The following ADAMTS10 variants were observed in gnomAD, a reference collection of about 807,000 sequenced individuals.
ADAMTS10 encodes ADAM metallopeptidase with thrombospondin type 1 motif 10.
In ADAMTS10, 48 loss-of-function variants were observed where a neutral mutation model predicts 135.9. The ratio of observed to expected loss-of-function variants is 0.35; its 90% confidence interval spans 0.28 to 0.45. The LOEUF (loss-of-function observed/expected upper bound fraction) is 0.45. Among genes scored for constraint, ADAMTS10 ranks in the 20% least tolerant of loss-of-function variants. The probability of loss-of-function intolerance (pLI) is 1.00; values close to 1 mark genes in which losing one functional copy is unlikely to be tolerated. For missense variants in ADAMTS10, 1,131 were observed against 1,565.2 expected, an observed-to-expected ratio of 0.72 and a Z score of 4.68; for synonymous variants, 621 against 647.5, an observed-to-expected ratio of 0.96 and a Z score of 0.62.
intron 4 of ADAMTS10, 78 bp downstream of exon 4, chr19:8,604,934 G>T (rs1324196407): frequency 3.3e-5 from 47 of 1,423,762 alleles, no homozygotes; most frequent in Non-Finnish European, 4.3e-5. Context: ...TTCCTTCTCT[G>T]CCCTCTATGT....
rs572808617 is a variant in ADAMTS10, at chr19:8,600,716, T to C, written c.810+212A>G. Among the ~76,000 whole-genome samples the C allele has an allele frequency of 5.3e-5, 8 of 152,164 alleles. No individual in the cohort carries two copies. The East Asian group carries it at 1.5e-3, about 29-fold the overall frequency. On this transcript the variant is annotated intron_variant, in intron 6 of 25. Coordinates refer to ENST00000597188, the MANE Select transcript of ADAMTS10 (RefSeq NM_030957.4). ...GGTTTCACCGTGTTAGCCAGGATGG[T>C]CTCCATCTCCTGACCTTGTGATCTG... is the stretch of plus-strand genomic sequence containing the variant.
Position 8,605,685 on chromosome 19 carries a change from C to A in ADAMTS10, c.26G>T (p.Arg9Leu). 2.5e-6 allele frequency: 4 copies of A among 1,612,278 alleles called. No homozygotes were observed. The highest frequency in any genetic ancestry group is 3.4e-6 in the Non-Finnish European group (4 of 1,179,712). Reference protein sequence around the residue: MAPACQILRWALALGLGLM... With the variant: MAPACQILLWALALGLGLM... ...GCCCAGCCCCAGGGCGAGGGCCCAG[C>A]GGAGGATCTGGCAGGCGGGAGCCAT... The change falls in exon 3 of 26, where the codon CGC becomes CTC. Residue 9 changes from arginine (R) to leucine (L), a missense_variant. Around this residue, in one of 3 missense-constraint regions of ADAMTS10, gnomAD observed 306 missense variants for 344.4 expected, o/e 0.89. Transcript: ENST00000597188. This position sits in a 1 kb window ranked among gnomAD's most constrained non-coding sequence, Gnocchi z 7.7.
In ADAMTS10 at chr19:8,596,277, T is replaced by C; in HGVS notation, c.1190+30A>G. On this transcript the variant is annotated intron_variant, in intron 10 of 25. Coordinates refer to ENST00000597188, the MANE Select transcript of ADAMTS10 (RefSeq NM_030957.4). This position sits in a 1 kb window ranked among gnomAD's most constrained non-coding sequence, Gnocchi z 7.2. ...TGAGGGACCCGCCCAGCTCCTCCCC[T>C]CCTCCCCCTCTTGTGTGCCCTGGCC... 6.2e-7 allele frequency: 1 copy of C among 1,612,364 alleles called. No individual in the cohort carries two copies. The highest frequency in any genetic ancestry group is 1.7e-5 in the Admixed American group (1 of 59,904).
At chr19:8,595,630 G>T in intron 12 of ADAMTS10, 132 bp downstream of exon 12, 1 of 1,415,702 alleles carries the variant, frequency 7.1e-7, no homozygotes. Flanking sequence ...GTCACCATGG[G>T]GGCTCACCTC....
In ADAMTS10 at chr19:8,595,817, G is replaced by A; in HGVS notation, c.1424C>T (p.Ala475Val). The part of the protein sequence containing the change: ...PTVAPGQAYD[A>V]DEQCRFQHGV... ...ATGCTGAAAGCGGCATTGCTCATCT[G>A]CATCGTAGGCTTGGCCCGGTGCCAC... Residue 475 changes from alanine (A) to valine (V), a missense_variant, in exon 12 of 26, where the codon GCA (alanine) becomes GTA (valine). Ala to Val is a moderately conservative substitution (Grantham distance 64). Around this residue, in one of 3 missense-constraint regions of ADAMTS10, gnomAD observed 745 missense variants for 1,056.3 expected, o/e 0.71. Transcript: ENST00000597188. The A allele has an allele frequency of 6.2e-7, 1 of 1,614,162 alleles. No homozygotes were observed. The highest frequency in any genetic ancestry group is 8.5e-7 in the Non-Finnish European group (1 of 1,180,032).
Position 8,586,483 on chromosome 19 carries a change from G to C in ADAMTS10, c.2404-13C>G. 6.2e-7 allele frequency: 1 copy of C among 1,613,450 alleles called. No individual in the cohort carries two copies. Among genetic ancestry groups the C allele is most frequent in the Non-Finnish European group, 8.5e-7 (1 of 1,180,012 alleles). On this transcript the variant is annotated splice_polypyrimidine_tract_variant and intron_variant, in intron 20 of 25. Coordinates refer to ENST00000597188, the MANE Select transcript of ADAMTS10 (RefSeq NM_030957.4). ...TCCGGGCCAGCACCTGGAGAAAGGG[G>C]GCGGCAGCCAGTGGAAGGATCGCAT...
At chr19:8,589,092 G>T in intron 18 of ADAMTS10, 150 bp downstream of exon 18, 1 of 1,342,680 alleles carries the variant, frequency 7.4e-7, no homozygotes, top group Non-Finnish European at 1.0e-6. Flanking sequence ...TCACCTGGCT[G>T]AGCCCGCAGG....
At chr19:8,599,857 CAG>C (rs1375817970) in intron 6 of ADAMTS10, among the ~76,000 whole-genome samples, 2 of 151,182 alleles carry the variant, frequency 1.3e-5, no homozygotes, top group East Asian at 1.9e-4. Context: ...TTTTTTGAGA[CAG>C]AGTCTTGCTC....
chr19:8,603,952 TTC>T (rs1237162408), intron 4 of ADAMTS10, 68 bp from the exon 5 acceptor site: 3 of 1,487,794 alleles, frequency 2.0e-6, no homozygotes, highest in Admixed American at 4.5e-5. Flanking sequence ...CCCTGGGACC[TTC>T]TCTCTGTCTT....
Position 8,600,991 on chromosome 19 carries a change from C to T in ADAMTS10, c.747G>A (p.Lys249=). The T allele has an allele frequency of 6.2e-7, 1 of 1,614,224 alleles. No individual in the cohort carries two copies. Among genetic ancestry groups the T allele is most frequent in the Non-Finnish European group, 8.5e-7 (1 of 1,180,046 alleles). The change falls in exon 6 of 26, where the codon AAG becomes AAA. Residue 249 remains lysine (K), a synonymous_variant. Coordinates refer to ENST00000597188, the MANE Select transcript of ADAMTS10 (RefSeq NM_030957.4). The stretch of plus-strand genomic sequence containing the variant: ...GGCGCCCGTGATAGGCCACCATCAT[C>T]TTGTCAGCCACCACCAGGGTCTCCA... The part of the protein sequence containing the change: ...RYVETLVVAD[K]MMVAYHGRRD...
chr19:8,604,408 AGTAT>A (rs1317746465), intron 4 of ADAMTS10, among the ~76,000 whole-genome samples: 2 of 149,122 alleles, frequency 1.3e-5, no homozygotes, highest in African/African-American at 2.4e-5. Context: ...GTATGTGTAT[AGTAT>A]GTATGTATGT....
At chr19:8,592,639 A>G (rs1197451583) in intron 13 of ADAMTS10, 124 bp downstream of exon 13, 2 of 1,003,070 alleles carry the variant, frequency 2.0e-6, no homozygotes, top group Non-Finnish European at 3.0e-6. Context: ...GGGAGCACAA[A>G]TGGCGGGCGT....
intron 7 of ADAMTS10, 50 bp downstream of exon 7, chr19:8,597,184 A>G (rs2042615172): frequency 6.2e-7 from 1 of 1,614,138 alleles, no homozygotes; most frequent in African/African-American, 1.3e-5. Flanking sequence ...AGGGGACGGC[A>G]GGACATGCTG....
chr19:8,584,736 G>A (rs1242007886), intron 25 of ADAMTS10, among the ~76,000 whole-genome samples, 159 bp downstream of exon 25: 1 of 152,144 alleles, frequency 6.6e-6, no homozygotes, highest in East Asian at 1.9e-4. Context: ...CTTAATAAAT[G>A]CTTGCAGGGA....
Position 8,596,660 on chromosome 19 carries a change from C to T in ADAMTS10, c.1041-75G>A. 6.4e-7 allele frequency: 1 copy of T among 1,568,510 alleles called. No individual in the cohort carries two copies. Among genetic ancestry groups the T allele is most frequent in the East Asian group, 2.2e-5 (1 of 44,490 alleles). On this transcript the variant is annotated intron_variant, in intron 8 of 25. Coordinates refer to ENST00000597188, the MANE Select transcript of ADAMTS10 (RefSeq NM_030957.4). The surrounding 1 kb of genome is among the most constrained non-coding windows in gnomAD (Gnocchi z 7.2). ...CCTGCTGATGCCACCATGCCCAGCT[C>T]TGGGGGTTGAGTCCTGCCTTGGAGG... is the stretch of plus-strand genomic sequence containing the variant.
At chr19:8,603,055 CT>C (rs2042683250) in intron 5 of ADAMTS10, among the ~76,000 whole-genome samples, 1 of 152,156 alleles carries the variant, frequency 6.6e-6, no homozygotes, top group Non-Finnish European at 1.5e-5. Flanking sequence ...TAAATCTGGC[CT>C]TTTGGCTGTA....
In ADAMTS10 at chr19:8,591,942, G is replaced by T. The variant is rs782305212; in HGVS notation, c.1733+16C>A. 6.2e-7 allele frequency: 1 copy of T among 1,612,202 alleles called. No individual in the cohort carries two copies. Among genetic ancestry groups the T allele is most frequent in the Non-Finnish European group, 8.5e-7 (1 of 1,179,656 alleles). ...GGGTCGCGCTGCCCTCCCGGGTGGG[G>T]GTCCTGAGGGCTGACCTGGGGCTGT... On this transcript the variant is annotated intron_variant, in intron 14 of 25. Transcript: ENST00000597188.
At chr19:8,604,951 G>A (rs2042702823) in intron 4 of ADAMTS10, 61 bp downstream of exon 4, 5 of 1,508,604 alleles carry the variant, frequency 3.3e-6, no homozygotes, top group African/African-American at 1.4e-5. Flanking sequence ...ATGTAGAAGT[G>A]TTTTTCTTAA....
chr19:8,592,048 C>G lies in ADAMTS10; in HGVS notation c.1643G>C (p.Gly548Ala). Residue 548 changes from glycine (G) to alanine (A), a missense_variant, in exon 14 of 26, where the codon GGA becomes GCA. Coordinates refer to ENST00000597188, the MANE Select transcript of ADAMTS10 (RefSeq NM_030957.4). ...CCATGGAGTCCACGGCCCCCAGGCTCCGTCCACACCCTCTGGGCGCGACCC... is the reference window on the plus strand; with the variant it reads ...CCATGGAGTCCACGGCCCCCAGGCTGCGTCCACACCCTCTGGGCGCGACCC... ...PFGSRPEGVD[G>A]AWGPWTPWGD... is the part of the protein sequence containing the mutation. The G allele has an allele frequency of 3.1e-6, 5 of 1,613,604 alleles. No individual in the cohort carries two copies. Among genetic ancestry groups the G allele is most frequent in the Non-Finnish European group, 4.2e-6 (5 of 1,179,738 alleles).
Sources: allele counts gnomAD v4.1 joint callset (sites outside exome capture counted in the v4.1 genomes callset), GRCh38; gene constraint gnomAD v4.1.1; regional missense constraint gnomAD v4.1.1; non-coding constraint Gnocchi (gnomAD v3.1); transcripts MANE v1.5; gene names NCBI Gene and HGNC (gene_info 2026-07-23, HGNC 2026-07-21).